Variants in MMP26 observed in about 807,000 individuals in gnomAD.
The protein encoded by MMP26 is matrix metalloproteinase-26.
In MMP26, 33 loss-of-function variants were observed where a neutral mutation model predicts 31.0. The ratio of observed to expected loss-of-function variants is 1.06; its 90% CI spans 0.81 to 1.42. The LOEUF is 1.42. Ranked by LOEUF, MMP26 falls within the 40% of genes most tolerant of loss-of-function variation. MMP26 has a pLI of 0.00. For synonymous variants in MMP26, 122 were observed against 114.9 expected (o/e 1.06, Z -0.40); for missense variants, 347 against 316.1 (o/e 1.10, Z -0.74).
intron 1 of MMP26, among the ~76,000 whole-genome samples, chr11:4,750,924 A>C (rs2133300649): frequency 6.6e-6 from 1 of 152,102 alleles, no homozygotes; most frequent in South Asian, 2.1e-4. Flanking sequence ...TTTTTTTTTA[A>C]AGAATAGACA....
At chr11:4,910,914 T>C (rs1850981225) in intron 2 of MMP26, among the ~76,000 whole-genome samples, 2 of 152,176 alleles carry the variant, frequency 1.3e-5, no homozygotes. Flanking sequence ...AATATGTCAA[T>C]CATATCCAAT....
chr11:4,779,637 AC>A (rs1235895451), intron 2 of MMP26, among the ~76,000 whole-genome samples: 2 of 152,070 alleles, frequency 1.3e-5, no homozygotes, highest in Admixed American at 6.5e-5. Context: ...ATTTCAGAAA[AC>A]TTTTTGAATT....
intron 2 of MMP26, among the ~76,000 whole-genome samples, chr11:4,799,265 T>G (rs72868749): frequency 6.6e-6 from 1 of 151,822 alleles, no homozygotes; most frequent in Non-Finnish European, 1.5e-5. Flanking sequence ...ATGGCACCAG[T>G]GTCTTCTAGG....
intron 2 of MMP26, among the ~76,000 whole-genome samples, chr11:4,868,957 A>G (rs2133523564): frequency 6.6e-6 from 1 of 152,336 alleles, no homozygotes; most frequent in Admixed American, 6.5e-5. Context: ...GACAAAAACA[A>G]GAAGTGGGGA....
chr11:4,818,806 T>G (rs968579571), intron 2 of MMP26, among the ~76,000 whole-genome samples: 11 of 152,296 alleles, frequency 7.2e-5, no homozygotes, highest in African/African-American at 2.6e-4. Context: ...GATGTTGTTA[T>G]TGCTTTGGAG....
chr11:4,865,524 G>A (rs1171300026), intron 2 of MMP26, among the ~76,000 whole-genome samples: 2 of 152,012 alleles, frequency 1.3e-5, no homozygotes, highest in Non-Finnish European at 2.9e-5. Context: ...ATTCATTCTT[G>A]AAAACCTTTA....
intron 2 of MMP26, among the ~76,000 whole-genome samples, chr11:4,885,873 T>G (rs1184359663): frequency 6.6e-6 from 1 of 152,120 alleles, no homozygotes; most frequent in East Asian, 1.9e-4. Context: ...CCTGTTGCCA[T>G]TCCTTTACAT....
At chr11:4,956,802 T>G (rs1400759158) in intron 2 of MMP26, among the ~76,000 whole-genome samples, 1 of 152,192 alleles carries the variant, frequency 6.6e-6, no homozygotes, top group African/African-American at 2.4e-5. Context: ...CCTACTTCAG[T>G]AATAAGCCTT....
At chr11:4,956,957 A>C (rs190157397) in intron 2 of MMP26, among the ~76,000 whole-genome samples, 114 of 152,344 alleles carry the variant, frequency 7.5e-4, no homozygotes, top group African/African-American at 2.5e-3. Flanking sequence ...TTTTTTAAAT[A>C]ATATAATCAA....
At chr11:4,858,694 G>C (rs562007941) in intron 2 of MMP26, among the ~76,000 whole-genome samples, 1 of 152,022 alleles carries the variant, frequency 6.6e-6, no homozygotes, top group Non-Finnish European at 1.5e-5. Flanking sequence ...GCTACCAATG[G>C]CTTTCTTCAC....
chr11:4,876,473 A>G (rs1278561120), intron 2 of MMP26: 1 of 152,180 alleles, frequency 6.6e-6, no homozygotes, highest in Admixed American at 6.5e-5. Flanking sequence ...TACCATCTCA[A>G]TACTTATTGT....
intron 2 of MMP26, chr11:4,803,531 G>A: frequency 6.2e-7 from 1 of 1,614,052 alleles, no homozygotes; most frequent in Non-Finnish European, 8.5e-7. Flanking sequence ...GGTATCAGTA[G>A]ATAGAGATTA....
At chr11:4,857,744 A>T (rs552717729) in intron 2 of MMP26, among the ~76,000 whole-genome samples, 84 of 152,350 alleles carry the variant, frequency 5.5e-4, no homozygotes, top group African/African-American at 1.9e-3. Flanking sequence ...CATCATCCTG[A>T]TACCAAGGCC....
At chr11:4,847,944 T>C in intron 2 of MMP26, 1 of 342,454 alleles carries the variant, frequency 2.9e-6, no homozygotes, top group South Asian at 8.2e-5. Context: ...GTGACAGGAC[T>C]AACAACAATA....
At chr11:4,987,625 A>C (rs1846924974) in intron 2 of MMP26, among the ~76,000 whole-genome samples, 1 of 151,554 alleles carries the variant, frequency 6.6e-6, no homozygotes, top group African/African-American at 2.4e-5. Flanking sequence ...TCACCGTGTT[A>C]GCCAGGATGG....
At chr11:4,817,375 G>C (rs1849436315) in intron 2 of MMP26, among the ~76,000 whole-genome samples, 1 of 152,238 alleles carries the variant, frequency 6.6e-6, no homozygotes, top group South Asian at 2.1e-4. Flanking sequence ...CTTGAGCCTA[G>C]AAGTTTGAGA....
At chr11:4,900,684 T>C (rs1401597986) in intron 2 of MMP26, among the ~76,000 whole-genome samples, 1 of 152,208 alleles carries the variant, frequency 6.6e-6, no homozygotes, top group Non-Finnish European at 1.5e-5. Flanking sequence ...ATTGATCTTT[T>C]ATATAAAGAT....
intron 1 of MMP26, chr11:4,723,076 C>A (rs1848038242): frequency 3.9e-6 from 5 of 1,285,162 alleles, no homozygotes; most frequent in Non-Finnish European, 5.6e-6. Context: ...ACCCATGCAG[C>A]TGTCACGGCA....
intron 1 of MMP26, among the ~76,000 whole-genome samples, chr11:4,753,883 T>A (rs1848476202): frequency 6.6e-6 from 1 of 152,098 alleles, no homozygotes; most frequent in South Asian, 2.1e-4. Flanking sequence ...TTTATGATTA[T>A]AAAACCTGCT....
Sources: allele counts gnomAD v4.1 joint callset (sites outside exome capture counted in the v4.1 genomes callset), GRCh38; gene constraint gnomAD v4.1.1; transcripts MANE v1.5; gene names NCBI Gene and HGNC (gene_info 2026-07-23, HGNC 2026-07-21).